ARHGEF33: variants seen among roughly 807,000 people sequenced by gnomAD.
The protein encoded by ARHGEF33 is DH and coiled-coil domain-containing protein ENSP00000381780.
ARHGEF33 carries 72 observed loss-of-function variants against 101.9 expected under a neutral mutation model. The ratio of observed to expected loss-of-function variants is 0.71; its 90% confidence interval spans 0.58 to 0.86. The LOEUF (loss-of-function observed/expected upper bound fraction) is 0.86. Among genes scored for constraint, ARHGEF33 ranks in the 40% least tolerant of loss-of-function variants. The pLI, the probability that ARHGEF33 is intolerant of heterozygous loss-of-function variation, is 0.00. For missense variants in ARHGEF33, 1,169 were observed against 1,111.3 expected (o/e 1.05, Z -0.74); for synonymous variants, 499 against 442.5 (o/e 1.13, Z -1.60).
chr2:38,957,822 C>T (rs911497788), intron 14 of ARHGEF33: 2 of 566,628 alleles, frequency 3.5e-6, no homozygotes, highest in East Asian at 3.0e-5. Context: ...CCCCTTCCCC[C>T]AAGCTCTTTT....
chr2:38,895,331 T>G (rs1046652512), intron 1 of ARHGEF33, among the ~76,000 whole-genome samples: 1 of 152,182 alleles, frequency 6.6e-6, no homozygotes, highest in Non-Finnish European at 1.5e-5. Context: ...GAAAAACCTA[T>G]TACAAACACA....
intron 2 of ARHGEF33, among the ~76,000 whole-genome samples, chr2:38,910,904 T>G (rs1666495433): frequency 6.6e-6 from 1 of 152,208 alleles, no homozygotes; most frequent in African/African-American, 2.4e-5. Flanking sequence ...TATTTAAATT[T>G]AGAGAAACAT....
intron 14 of ARHGEF33, 194 bp from the exon 15 acceptor site, chr2:38,957,840 T>C: frequency 3.3e-6 from 2 of 602,540 alleles, no homozygotes; most frequent in Non-Finnish European, 5.7e-6. Context: ...TTTCAGCCAG[T>C]GAATCAGCTT....
intron 2 of ARHGEF33, among the ~76,000 whole-genome samples, chr2:38,904,136 A>C (rs1356020177): frequency 6.6e-6 from 1 of 152,238 alleles, no homozygotes; most frequent in African/African-American, 2.4e-5. Flanking sequence ...CAGTTATTCC[A>C]AGAAAGGAAG....
intron 1 of ARHGEF33, among the ~76,000 whole-genome samples, chr2:38,890,247 G>A (rs778468878): frequency 3.3e-5 from 5 of 152,260 alleles, no homozygotes; most frequent in East Asian, 1.9e-4. Context: ...GACTGAAGTT[G>A]TTCTGCATAT....
In ARHGEF33 at chr2:38,893,298, G is replaced by A. The variant is rs188758988; in HGVS notation, c.-158-2479G>A. On this transcript the variant is annotated intron_variant, in intron 1 of 17. Transcript: ENST00000409978. ...CTGCCTCAGCCTCCTGAGTAGCTGG[G>A]ATTACAGGCACCCGCCACCATGGGC... Among the ~76,000 whole-genome samples, 944 of 152,124 alleles carry A rather than the reference G, an allele frequency of 6.2e-3. 4 individuals carry two copies. Among genetic ancestry groups the A allele is most frequent in the Middle Eastern group, 0.01 (3 of 294 alleles).
intron 2 of ARHGEF33, among the ~76,000 whole-genome samples, chr2:38,904,396 G>A (rs900503819): frequency 2.0e-5 from 3 of 149,004 alleles, no homozygotes; most frequent in Admixed American, 6.8e-5. Context: ...TTGAGATCTC[G>A]ATTTTATTTT....
At chr2:38,905,141 G>A (rs955171486) in intron 2 of ARHGEF33, among the ~76,000 whole-genome samples, 3 of 151,634 alleles carry the variant, frequency 2.0e-5, no homozygotes, top group Non-Finnish European at 2.9e-5. Flanking sequence ...GACATTATTC[G>A]TTGGAAAGAA....
chr2:38,954,681 TG>T (rs1667696790), intron 13 of ARHGEF33, among the ~76,000 whole-genome samples: 1 of 149,280 alleles, frequency 6.7e-6, no homozygotes, highest in Non-Finnish European at 1.5e-5. Context: ...TCACCCAGGC[TG>T]GAGTACAGTG....
intron 9 of ARHGEF33, among the ~76,000 whole-genome samples, chr2:38,942,324 GC>G (rs1667332701): frequency 6.6e-6 from 1 of 151,552 alleles, no homozygotes; most frequent in African/African-American, 2.4e-5. Flanking sequence ...ACACCACTAT[GC>G]CCAGCTAACT....
chr2:38,960,563 C>G lies in ARHGEF33; in HGVS notation c.2258C>G (p.Ala753Gly). 1 of 1,270,882 alleles carries G rather than the reference C, an allele frequency of 7.9e-7. No individual in the cohort carries two copies. The highest frequency in any genetic ancestry group is 1.8e-5 in the South Asian group (1 of 54,150). 78.7% of individuals were successfully genotyped at this position (1,270,882 alleles called of 1,614,324 possible). A position where few individuals can be genotyped will look rare whatever the true frequency, so the allele number is the denominator to read the frequency against. Residue 753 changes from alanine (A) to glycine (G), a missense_variant, in exon 16 of 18, where the codon GCC (alanine) becomes GGC (glycine). Ala to Gly is a moderately conservative substitution (Grantham distance 60). Coordinates refer to ENST00000409978, the MANE Select transcript of ARHGEF33 (RefSeq NM_001145451.5). Reference sequence around the variant, plus strand: ...CAGGCGCACGGCCCGGCCGCCGCCGCCGTCGCCGCCCGCGGCGCATCCAGG... The same window carrying G: ...CAGGCGCACGGCCCGGCCGCCGCCGGCGTCGCCGCCCGCGGCGCATCCAGG... ...AAQAHGPAAA[A>G]VAARGASRTF...
intron 1 of ARHGEF33, among the ~76,000 whole-genome samples, chr2:38,893,663 C>A (rs1666057019): frequency 6.6e-6 from 1 of 152,208 alleles, no homozygotes; most frequent in Non-Finnish European, 1.5e-5. Flanking sequence ...CCCTTCTAGA[C>A]TGGAAGCAGA....
chr2:38,960,416 C>A lies in ARHGEF33; in HGVS notation c.2111C>A (p.Pro704Gln), dbSNP rs1217826346. The change falls in exon 16 of 18, where the codon CCG (proline) becomes CAG (glutamine). Residue 704 changes from proline (P) to glutamine (Q), a missense_variant. Pro to Gln is a moderately conservative substitution (Grantham distance 76, BLOSUM62 -1). Coordinates refer to ENST00000409978, the MANE Select transcript of ARHGEF33 (RefSeq NM_001145451.5). ...AAAQAHGKAKPLSRSLKEFPR... is the reference protein window; with the variant it reads ...AAAQAHGKAKQLSRSLKEFPR... ...GCGCAGGCGCACGGCAAGGCCAAGC[C>A]GCTGAGCCGCTCTCTCAAAGAGTTC... is the stretch of plus-strand genomic sequence containing the variant. The A allele has an allele frequency of 6.6e-7, 1 of 1,514,762 alleles. No homozygotes were observed. Among genetic ancestry groups the A allele is most frequent in the Non-Finnish European group, 8.8e-7 (1 of 1,137,796 alleles). The allele number at this position is 1,514,762 out of a possible 1,614,324, so 93.8% of individuals were successfully genotyped here.
intron 2 of ARHGEF33, among the ~76,000 whole-genome samples, chr2:38,910,193 G>A (rs2124985342): frequency 1.3e-5 from 2 of 152,150 alleles, no homozygotes; most frequent in Admixed American, 1.3e-4. Context: ...TAGTTGTTCT[G>A]GATAAAAAAA....
In ARHGEF33 at chr2:38,925,383, G is replaced by T. The variant is rs1162070977; in HGVS notation, c.76-3524G>T. 3.3e-5 allele frequency among the ~76,000 whole-genome samples: 5 copies of T among 152,274 alleles called. No homozygotes were observed. In the East Asian group the frequency reaches 9.6e-4, roughly 29 times the overall value. The stretch of plus-strand genomic sequence containing the variant: ...AAGTTTTCTAGGATTTGTAAATCCT[G>T]ATTGAGACTAAGTCTCTTTTTGCCA... On this transcript the variant is annotated intron_variant, in intron 4 of 17. Transcript: ENST00000409978.
In ARHGEF33 at chr2:38,929,591, C is replaced by CTCATTCAT. The variant is rs147997395; in HGVS notation, c.241-102_241-95dup. The CTCATTCAT allele has an allele frequency of 1.8e-4, 142 of 798,848 alleles. No individual in the cohort carries two copies. In the African/African-American group the frequency reaches 2.3e-3, roughly 13 times the overall value. 49.5% of individuals were successfully genotyped at this position (798,848 alleles called of 1,614,324 possible). A position where few individuals can be genotyped will look rare whatever the true frequency, so the allele number is the denominator to read the frequency against. On this transcript the variant is annotated intron_variant, in intron 5 of 17. Transcript: ENST00000409978. ...ACGATGGAAGTAAATTTTTTAATCT[C>CTCATTCAT]TCATTCATTCATTCATTCATTCAAT... is the stretch of plus-strand genomic sequence containing the variant.
At chr2:38,919,918 C>G (rs531535068) in intron 3 of ARHGEF33, among the ~76,000 whole-genome samples, 1 of 152,314 alleles carries the variant, frequency 6.6e-6, no homozygotes, top group South Asian at 2.1e-4. Flanking sequence ...AAAGTTAGGT[C>G]TGGGATCTGG....
Position 38,954,375 on chromosome 2 carries a change from T to C in ARHGEF33, c.1140T>C (p.Gly380=). The change falls in exon 13 of 18, where the codon GGT becomes GGC. Residue 380 remains glycine (G), a splice_region_variant and synonymous_variant. Coordinates refer to ENST00000409978, the MANE Select transcript of ARHGEF33 (RefSeq NM_001145451.5). The part of the protein sequence containing the change: ...SLVHVVVLKE[G]DEEIKSDIYT... ...AACTTGACCTTTCTTTCATTCAGGG[T>C]GATGAAGAGATTAAATCTGACATCT... is the stretch of plus-strand genomic sequence containing the variant. 2 of 1,540,244 alleles carry C rather than the reference T, an allele frequency of 1.3e-6. No homozygotes were observed. Among genetic ancestry groups the C allele is most frequent in the Non-Finnish European group, 1.8e-6 (2 of 1,136,630 alleles).
chr2:38,950,115 A>T (rs772988173), intron 10 of ARHGEF33, among the ~76,000 whole-genome samples: 49 of 152,328 alleles, frequency 3.2e-4, no homozygotes, highest in South Asian at 1.5e-3. Context: ...TACCCAGACA[A>T]GACTGTCCTG....
Sources: gnomAD v4.1 joint callset for allele counts (sites outside exome capture counted in the v4.1 genomes callset) on GRCh38, gnomAD v4.1.1 for gene constraint, MANE v1.5 for transcripts, NCBI Gene and HGNC (gene_info 2026-07-23, HGNC 2026-07-21) for gene names.